The following CCDC12 variants were observed in gnomAD, a reference collection of about 807,000 sequenced individuals.
CCDC12 encodes coiled-coil domain containing 12.
A neutral mutation model predicts 25.7 loss-of-function variants in CCDC12; 28 were observed. The ratio of observed to expected loss-of-function variants is 1.09; its 90% CI spans 0.81 to 1.50. The LOEUF (loss-of-function observed/expected upper bound fraction) is 1.50, where lower values mean the gene tolerates loss of function less well. CCDC12 is among the 40% of genes most tolerant of loss of function. The pLI, the probability that CCDC12 is intolerant of heterozygous loss-of-function variation, is 0.00. For missense variants in CCDC12, 198 were observed against 210.0 expected (o/e 0.94, Z 0.35); for synonymous variants, 75 against 87.7 (o/e 0.86, Z 0.81).
intron 1 of CCDC12, among the ~76,000 whole-genome samples, chr3:46,965,279 T>G (rs1301837727): frequency 6.6e-6 from 1 of 152,244 alleles, no homozygotes; most frequent in Non-Finnish European, 1.5e-5. Context: ...CAGTGAGGCC[T>G]GGGGAACACA....
intron 2 of CCDC12, among the ~76,000 whole-genome samples, chr3:46,933,241 C>A (rs1403383389): frequency 6.6e-6 from 1 of 152,226 alleles, no homozygotes; most frequent in African/African-American, 2.4e-5. Context: ...CCAGGAGAAG[C>A]CTTCCTCAGC....
intron 1 of CCDC12, among the ~76,000 whole-genome samples, chr3:46,967,345 T>C (rs985471040): frequency 1.3e-5 from 2 of 152,010 alleles, no homozygotes; most frequent in African/African-American, 4.8e-5. Context: ...TAGCCTGAGG[T>C]CCAGCCTTGG....
intron 1 of CCDC12, among the ~76,000 whole-genome samples, chr3:46,955,936 AATACCCCGGAATC>A (rs1230079896): frequency 3.9e-5 from 6 of 152,294 alleles, no homozygotes; most frequent in Middle Eastern, 3.4e-3. Flanking sequence ...GGCCCCCACC[AATACCCCGGAATC>A]AGGTATTATC....
At chr3:46,935,629 A>G (rs1233073498) in intron 2 of CCDC12, among the ~76,000 whole-genome samples, 1 of 152,070 alleles carries the variant, frequency 6.6e-6, no homozygotes, top group Non-Finnish European at 1.5e-5. Flanking sequence ...GGGGGAAGGG[A>G]GCTGCCTTAG....
In CCDC12 at chr3:46,921,901, G is replaced by T; in HGVS notation, c.*156C>A. On this transcript the variant is annotated 3_prime_UTR_variant, in exon 7 of 7. Transcript: ENST00000683445. ...TGGCAGGGGCCACCCAGCAGACAAG[G>T]AGCTGACCTCATCCATGGGGGTTTC... 2.7e-6 allele frequency: 2 copies of T among 732,584 alleles called. No homozygotes were observed. The highest frequency in any genetic ancestry group is 3.6e-5 in the South Asian group (2 of 55,014). The allele number at this position is 732,584 out of a possible 1,614,324, so 45.4% of individuals were successfully genotyped here. A position where few individuals can be genotyped will look rare whatever the true frequency, so the allele number is the denominator to read the frequency against.
chr3:46,947,395 G>C (rs1196225283), intron 1 of CCDC12, among the ~76,000 whole-genome samples: 1 of 152,212 alleles, frequency 6.6e-6, no homozygotes, highest in Non-Finnish European at 1.5e-5. Flanking sequence ...CTTCCTGTCG[G>C]GTGCTGCCGT....
Position 46,928,306 on chromosome 3 carries a change from T to G in CCDC12, c.165-2771A>C, listed in dbSNP as rs2033060909. On this transcript the variant is annotated intron_variant, in intron 2 of 6. Transcript: ENST00000683445. ...AGAGAAGTACCAAGACAGCAAGGATTTCAGGGGCTGCAATCATGGAGATAA... is the reference window on the plus strand; with the variant it reads ...AGAGAAGTACCAAGACAGCAAGGATGTCAGGGGCTGCAATCATGGAGATAA... Among the ~76,000 whole-genome samples, 5 of 152,296 alleles carry G rather than the reference T, an allele frequency of 3.3e-5. 1 individual carries two copies. In the South Asian group the frequency reaches 1.0e-3, roughly 32 times the overall value.
upstream of CCDC12, among the ~76,000 whole-genome samples, chr3:46,981,561 C>G (rs1276878567): frequency 6.6e-6 from 1 of 152,184 alleles, no homozygotes; most frequent in African/African-American, 2.4e-5. Context: ...TTTCCTGGCC[C>G]CATTGGGTCC....
At chr3:46,953,812 T>C (rs1050874864) in intron 1 of CCDC12, among the ~76,000 whole-genome samples, 1 of 152,110 alleles carries the variant, frequency 6.6e-6, no homozygotes, top group African/African-American at 2.4e-5. Flanking sequence ...TCTCCATTAC[T>C]GGGGGGCTAA....
intron 1 of CCDC12, among the ~76,000 whole-genome samples, chr3:46,956,648 CCT>C (rs1456984927): frequency 6.6e-6 from 1 of 152,084 alleles, no homozygotes; most frequent in East Asian, 1.9e-4. Flanking sequence ...ATGGTGAAAC[CCT>C]GTCTCTACCA....
At chr3:46,979,141 G>A (rs2035127094), upstream of CCDC12, among the ~76,000 whole-genome samples, 1 of 152,190 alleles carries the variant, frequency 6.6e-6, no homozygotes, top group Admixed American at 6.5e-5. Context: ...GGGACCCGTG[G>A]CAACGGTCTA....
intron 1 of CCDC12, 86 bp from the exon 2 acceptor site, chr3:46,941,151 T>G (rs1049535103): frequency 7.6e-7 from 1 of 1,317,358 alleles, no homozygotes; most frequent in Non-Finnish European, 1.1e-6. Context: ...GAACAGGACA[T>G]CTCAGAAGGG....
chr3:46,938,468 T>A (rs1383377371), intron 2 of CCDC12, among the ~76,000 whole-genome samples: 1 of 149,972 alleles, frequency 6.7e-6, no homozygotes, highest in Admixed American at 6.7e-5. Context: ...TCCTGCAGAG[T>A]CAATAAAAGT....
intron 5 of CCDC12, 140 bp from the exon 6 acceptor site, chr3:46,922,452 A>C (rs1232643670): frequency 1.2e-6 from 1 of 840,762 alleles, no homozygotes; most frequent in Non-Finnish European, 2.0e-6. Flanking sequence ...AGAGGCCAGG[A>C]CATTCCCCTT....
At chr3:46,977,680 C>G (rs1296861336), upstream of CCDC12, among the ~76,000 whole-genome samples, 1 of 152,134 alleles carries the variant, frequency 6.6e-6, no homozygotes, top group Non-Finnish European at 1.5e-5. Context: ...CCTCTGGACT[C>G]AAAGATGATC....
In CCDC12 at chr3:46,969,742, G is replaced by A. The variant is rs144629704; in HGVS notation, c.96+6895C>T. 4.5e-4 allele frequency among the ~76,000 whole-genome samples: 68 copies of A among 152,216 alleles called. No homozygotes were observed. The South Asian group carries it at 0.01, about 23-fold the overall frequency. ...TCTGGGTTTCCACTTGCCCCTTAGC[G>A]CTCAACAACTGGAGCTCAGGTAGAG... On this transcript the variant is annotated intron_variant, in intron 1 of 6. Coordinates refer to ENST00000683445, the MANE Select transcript of CCDC12 (RefSeq NM_001277074.2).
Position 46,923,688 on chromosome 3 carries a change from A to G in CCDC12, c.245-20T>C. The G allele has an allele frequency of 6.7e-7, 1 of 1,501,634 alleles. No individual in the cohort carries two copies. Among genetic ancestry groups the G allele is most frequent in the Non-Finnish European group, 8.9e-7 (1 of 1,124,284 alleles). 93.0% of individuals were successfully genotyped at this position (1,501,634 alleles called of 1,614,324 possible). ...CCTCCACTAGAGGGTGCAATTAAAC[A>G]GAGAAGGCCTGTGGAAAACGCGCTG... On this transcript the variant is annotated intron_variant, in intron 3 of 6. Coordinates refer to ENST00000683445, the MANE Select transcript of CCDC12 (RefSeq NM_001277074.2).
intron 2 of CCDC12, among the ~76,000 whole-genome samples, chr3:46,930,271 A>C (rs2033154557): frequency 6.6e-6 from 1 of 152,182 alleles, no homozygotes; most frequent in Admixed American, 6.5e-5. Context: ...AGTACTCAAA[A>C]ACATAAAGAG....
chr3:46,956,830 C>CT (rs2034303862), intron 1 of CCDC12, among the ~76,000 whole-genome samples: 1 of 17,394 alleles, frequency 5.7e-5, no homozygotes, highest in South Asian at 0.031. Context: ...ACACCCACCC[C>CT]CCCAAAATAA....
Sources: gnomAD v4.1 joint callset for allele counts (sites outside exome capture counted in the v4.1 genomes callset) on GRCh38, gnomAD v4.1.1 for gene constraint, MANE v1.5 for transcripts, NCBI Gene and HGNC (gene_info 2026-07-23, HGNC 2026-07-21) for gene names.